The following SHISA6 variants were observed in gnomAD, a reference collection of about 807,000 sequenced individuals.
SHISA6 encodes protein shisa-6.
SHISA6 carries 22 observed loss-of-function variants against 47.9 expected under a neutral mutation model. The ratio of observed to expected loss-of-function variants is 0.46; its 90% confidence interval spans 0.33 to 0.66. The LOEUF is 0.66. SHISA6 is among the 30% of genes least tolerant of loss of function. The pLI is 0.02. For missense variants in SHISA6, 680 were observed against 764.6 expected, an observed-to-expected ratio of 0.89 and a Z score of 1.30; for synonymous variants, 388 against 337.8, an observed-to-expected ratio of 1.15 and a Z score of -1.63.
intron 3 of SHISA6, among the ~76,000 whole-genome samples, chr17:11,458,603 G>A (rs1301829456): frequency 3.9e-5 from 6 of 152,074 alleles, no homozygotes; most frequent in African/African-American, 1.2e-4. Context: ...CCAGGATGAG[G>A]GGCCCCTCTG....
intron 1 of SHISA6, among the ~76,000 whole-genome samples, chr17:11,246,797 T>C (rs1034496542): frequency 1.3e-5 from 2 of 152,224 alleles, no homozygotes; most frequent in Non-Finnish European, 2.9e-5. Context: ...TACTACACCA[T>C]ATAAGCTTAT....
At chr17:11,322,803 C>A (rs886418738) in intron 2 of SHISA6, among the ~76,000 whole-genome samples, 1 of 152,142 alleles carries the variant, frequency 6.6e-6, no homozygotes, top group Non-Finnish European at 1.5e-5. Context: ...GATTTTCAGG[C>A]TCCTACAAAA....
At chr17:11,552,656 A>G (rs2071941363) in intron 4 of SHISA6, among the ~76,000 whole-genome samples, 2 of 152,138 alleles carry the variant, frequency 1.3e-5, no homozygotes, top group Admixed American at 6.5e-5. Context: ...TGAGAGAGAA[A>G]CTCAAAACAA....
chr17:11,542,357 A>C (rs1359112896), intron 3 of SHISA6, among the ~76,000 whole-genome samples: 1 of 152,172 alleles, frequency 6.6e-6, no homozygotes, highest in East Asian at 1.9e-4. Flanking sequence ...AAGCCTGTCA[A>C]CCAAGAATTC....
At chr17:11,491,251 G>C (rs972937579) in intron 3 of SHISA6, among the ~76,000 whole-genome samples, 2 of 152,148 alleles carry the variant, frequency 1.3e-5, no homozygotes, top group Admixed American at 1.3e-4. Context: ...TAATGGCCTC[G>C]AGCAGGGATT....
chr17:11,439,679 C>T (rs1200447064), intron 3 of SHISA6, among the ~76,000 whole-genome samples: 2 of 152,092 alleles, frequency 1.3e-5, no homozygotes, highest in East Asian at 3.9e-4. Context: ...AAAAAAATTA[C>T]CCTGCATTTA....
chr17:11,304,881 T>C (rs1910053510), intron 2 of SHISA6, among the ~76,000 whole-genome samples: 1 of 152,078 alleles, frequency 6.6e-6, no homozygotes, highest in Non-Finnish European at 1.5e-5. Flanking sequence ...CCTGCTGGGC[T>C]TCTGGGTGGC....
At chr17:11,350,196 T>TTTTTTTTTTTTTTC in intron 2 of SHISA6, among the ~76,000 whole-genome samples, 5 of 139,898 alleles carry the variant, frequency 3.6e-5, no homozygotes, top group African/African-American at 1.4e-4. Context: ...TTTTTTTTTT[T>TTTTTTTTTTTTTTC]TGAGACGGAG....
intron 1 of SHISA6, among the ~76,000 whole-genome samples, chr17:11,243,178 G>A (rs190694128): frequency 2.6e-5 from 4 of 151,602 alleles, no homozygotes; most frequent in East Asian, 2.0e-4. Flanking sequence ...TCTTCTCTGC[G>A]TCCTGCTTGT....
intron 2 of SHISA6, among the ~76,000 whole-genome samples, chr17:11,313,255 AG>A (rs11286574): frequency 0.36 from 55,145 of 151,930 alleles, 10,314 homozygotes; most frequent in African/African-American, 0.47. Flanking sequence ...TTCCAATCTG[AG>A]TTTTAAAAAT....
intron 3 of SHISA6, among the ~76,000 whole-genome samples, chr17:11,419,953 C>T (rs1199019869): frequency 6.6e-6 from 1 of 152,172 alleles, no homozygotes; most frequent in Admixed American, 6.5e-5. Flanking sequence ...CCTGTAATCC[C>T]AGCACTTTGG....
chr17:11,544,867 A>G (rs1277213386), intron 3 of SHISA6, among the ~76,000 whole-genome samples: 1 of 150,776 alleles, frequency 6.6e-6, no homozygotes, highest in Non-Finnish European at 1.5e-5. Flanking sequence ...AGGCTGAGGC[A>G]GGAGAATGGC....
chr17:11,297,171 T>G (rs1909781572), intron 2 of SHISA6, among the ~76,000 whole-genome samples: 1 of 152,120 alleles, frequency 6.6e-6, no homozygotes, highest in South Asian at 2.1e-4. Context: ...AGACACCAGA[T>G]CATGCGTGTT....
At chr17:11,509,082 A>G (rs993665309) in intron 3 of SHISA6, among the ~76,000 whole-genome samples, 1 of 152,192 alleles carries the variant, frequency 6.6e-6, no homozygotes, top group Non-Finnish European at 1.5e-5. Context: ...GGGCTCTCAG[A>G]ATCATCAGGG....
At chr17:11,247,568 TG>T (rs954901537) in intron 1 of SHISA6, among the ~76,000 whole-genome samples, 186 of 152,270 alleles carry the variant, frequency 1.2e-3, no homozygotes, top group African/African-American at 4.2e-3. Context: ...CACAAAATGA[TG>T]GTTTCAATTT....
intron 3 of SHISA6, among the ~76,000 whole-genome samples, chr17:11,452,777 C>T (rs1915436354): frequency 6.6e-6 from 1 of 150,508 alleles, no homozygotes; most frequent in African/African-American, 2.4e-5. Context: ...TCCTTCTCCT[C>T]CTCTTTCTCT....
chr17:11,268,029 C>T (rs369918765), intron 2 of SHISA6, among the ~76,000 whole-genome samples: 11 of 152,226 alleles, frequency 7.2e-5, no homozygotes, highest in African/African-American at 2.4e-4. Flanking sequence ...GACCTCACCC[C>T]CTCCTAAAGA....
rs889397113 is a variant in SHISA6 at position 11,508,462 on chromosome 17, T to C, written c.896-43434T>C. On this transcript the variant is annotated intron_variant, in intron 3 of 5. Transcript: ENST00000441885. ...ACCTCTTAAAGGACCTACCACTTCA[T>C]ACCATCATATCCTGAGGACCTCTAA... Among the ~76,000 whole-genome samples the C allele has an allele frequency of 2.2e-5, 3 of 138,840 alleles. 1 individual carries two copies. The highest frequency in any genetic ancestry group is 8.1e-5 in the African/African-American group (3 of 37,008). 91.1% of individuals were successfully genotyped at this position (138,840 alleles called of 152,430 possible).
At chr17:11,483,223 C>T (rs1916262752) in intron 3 of SHISA6, among the ~76,000 whole-genome samples, 1 of 151,600 alleles carries the variant, frequency 6.6e-6, no homozygotes, top group African/African-American at 2.4e-5. Flanking sequence ...ATCACTTGAA[C>T]TTGGGAGGCG....
Sources: gnomAD v4.1 joint callset for allele counts (sites outside exome capture counted in the v4.1 genomes callset) on GRCh38, gnomAD v4.1.1 for gene constraint, MANE v1.5 for transcripts, NCBI Gene and HGNC (gene_info 2026-07-23, HGNC 2026-07-21) for gene names.